Variants in CALHM6 observed in about 807,000 individuals in gnomAD.
The protein encoded by CALHM6 is calcium homeostasis modulator family member 6.
CALHM6 carries 15 observed loss-of-function variants against 12.7 expected under a neutral mutation model. The observed-to-expected ratio is 1.18, with a 90% CI of 0.79 to 1.82. The LOEUF is 1.82. CALHM6 is among the 40% of genes most tolerant of loss of function. CALHM6 has a pLI of 0.00. For missense variants in CALHM6, 434 were observed against 421.0 expected (o/e 1.03, Z -0.27); for synonymous variants, 212 against 193.7 (o/e 1.09, Z -0.78).
rs548401701 is a variant in CALHM6 at position 116,462,084 on chromosome 6, G to A, written c.155G>A (p.Gly52Asp). ...AGCGCCGCCTGGAACCTGCCCTACG[G>A]CCTGGTCTTCTTGCTGGTGCCGGCG... The part of the protein sequence containing the change: ...PCSAAWNLPY[G>D]LVFLLVPALA... The change falls in exon 2 of 3, where the codon GGC becomes GAC. Residue 52 changes from glycine to aspartate, a missense_variant. Physicochemically the swap from Gly to Asp is moderately conservative, Grantham distance 94. Coordinates refer to ENST00000368605, the MANE Select transcript of CALHM6 (RefSeq NM_001010919.3). The A allele has an allele frequency of 1.9e-6, 3 of 1,546,344 alleles. No homozygotes were observed. The highest frequency in any genetic ancestry group is 2.6e-6 in the Non-Finnish European group (3 of 1,146,116).
In CALHM6 at chr6:116,461,912, C is replaced by T. The variant is rs1784776885; in HGVS notation, c.-18C>T. Reference sequence around the variant, plus strand: ...GAAGGATCTGGGCCTGTGCGCGACGCCCCGGGGGACGAGGCTCATGGAGAA... The same window carrying T: ...GAAGGATCTGGGCCTGTGCGCGACGTCCCGGGGGACGAGGCTCATGGAGAA... On this transcript the variant is annotated 5_prime_UTR_variant, in exon 2 of 3. Transcript: ENST00000368605. The T allele has an allele frequency of 6.7e-7, 1 of 1,484,324 alleles. No homozygotes were observed. Among genetic ancestry groups the T allele is most frequent in the Non-Finnish European group, 9.0e-7 (1 of 1,110,110 alleles). The allele number at this position is 1,484,324 out of a possible 1,614,324, so 91.9% of individuals were successfully genotyped here.
intron 2 of CALHM6, 93 bp downstream of exon 2, chr6:116,462,547 C>A: frequency 1.2e-6 from 1 of 840,694 alleles, no homozygotes; most frequent in South Asian, 2.0e-5. Flanking sequence ...TGACTTTTCT[C>A]CAGATATACA....
chr6:116,463,251 A>G, intron 2 of CALHM6, 32 bp from the exon 3 acceptor site: 1 of 1,552,508 alleles, frequency 6.4e-7, no homozygotes, highest in East Asian at 2.3e-5. Flanking sequence ...AAACCAAGTA[A>G]CTAAATTACT....
Position 116,463,489 on chromosome 6 carries a change from G to C in CALHM6, c.732G>C (p.Ser244=). Reference sequence around the variant, plus strand: ...ATATTAAATGTTTCTTTGAGGGCTCGCATCCAAAAGAATATAACACTCCAA... The same window carrying C: ...ATATTAAATGTTTCTTTGAGGGCTCCCATCCAAAAGAATATAACACTCCAA... ...KENIKCFFEG[S]HPKEYNTPSM... is the part of the protein sequence containing the mutation. Residue 244 remains serine (S), a synonymous_variant, in exon 3 of 3, where the codon TCG becomes TCC. Coordinates refer to ENST00000368605, the MANE Select transcript of CALHM6 (RefSeq NM_001010919.3). The C allele has an allele frequency of 6.2e-7, 1 of 1,614,126 alleles. No homozygotes were observed. Among genetic ancestry groups the C allele is most frequent in the Non-Finnish European group, 8.5e-7 (1 of 1,180,020 alleles).
chr6:116,462,148 C>A lies in CALHM6; in HGVS notation c.219C>A (p.Arg73=). ...TCCTGGGCTACGTGCTGAGCGCACG[C>A]ACGTGGCGCCTGCTCACCGGATGCT... ...LFLLGYVLSA[R]TWRLLTGCCS... is the part of the protein sequence containing the mutation. Residue 73 remains arginine, a synonymous_variant, in exon 2 of 3, where the codon CGC becomes CGA. Coordinates refer to ENST00000368605, the MANE Select transcript of CALHM6 (RefSeq NM_001010919.3). 6.5e-7 allele frequency: 1 copy of A among 1,530,564 alleles called. No individual in the cohort carries two copies. Among genetic ancestry groups the A allele is most frequent in the Non-Finnish European group, 8.8e-7 (1 of 1,141,612 alleles). 94.8% of individuals were successfully genotyped at this position (1,530,564 alleles called of 1,614,324 possible). A position where few individuals can be genotyped will look rare whatever the true frequency, so the allele number is the denominator to read the frequency against.
At position 116,462,450 on chromosome 6, in the gene CALHM6, C is replaced by A; in HGVS notation, c.521C>A (p.Ser174Ter). The A allele has an allele frequency of 6.7e-7, 1 of 1,495,242 alleles. No homozygotes were observed. 92.6% of individuals were successfully genotyped at this position (1,495,242 alleles called of 1,614,324 possible). A position where few individuals can be genotyped will look rare whatever the true frequency, so the allele number is the denominator to read the frequency against. ...CTCCTGAAGGATCTGAAGGCTCAGT[C>A]GCAGGTCTGCCGCTGGCGCTGGGGG... ...QDLLKDLKAQ[S>*]QVLGWILIAV... The change falls in exon 2 of 3, where the codon TCG becomes TAG. Residue 174 changes from serine to a stop codon, truncating the protein, a stop_gained. Coordinates refer to ENST00000368605, the MANE Select transcript of CALHM6 (RefSeq NM_001010919.3). LOFTEE classifies it low-confidence loss of function (END_TRUNC).
chr6:116,462,004 G>A lies in CALHM6; in HGVS notation c.75G>A (p.Leu25=), dbSNP rs146261542. The A allele has an allele frequency of 1.2e-4, 192 of 1,548,812 alleles. 1 individual carries two copies. Among genetic ancestry groups the A allele is most frequent in the Admixed American group, 6.1e-4 (31 of 50,888 alleles). The change falls in exon 2 of 3, where the codon CTG becomes CTA. Residue 25 remains leucine (L), a synonymous_variant. Transcript: ENST00000368605. ...HSALGYGLVT[L]LTAGGERIFS... ...CCTTGGGCTACGGCCTGGTGACCCT[G>A]CTGACGGCGGGCGGGGAGCGCATCT... is the stretch of plus-strand genomic sequence containing the variant.
rs1029491856 is a variant in CALHM6, at chr6:116,462,235, C to A, written c.306C>A (p.Ile102=). 18 of 1,379,156 alleles carry A rather than the reference C, an allele frequency of 1.3e-5. No homozygotes were observed. The African/African-American group carries it at 2.7e-4, about 21-fold the overall frequency. The allele number at this position is 1,379,156 out of a possible 1,614,324, so 85.4% of individuals were successfully genotyped here. A position where few individuals can be genotyped will look rare whatever the true frequency, so the allele number is the denominator to read the frequency against. ...GCGGCTCCCTGGTGTGCACGCAAAT[C>A]AGCGCGGCCGCCGCGCTCGCGCCCC... The part of the protein sequence containing the change: ...ALRGSLVCTQ[I]SAAAALAPLT... Residue 102 remains isoleucine, a synonymous_variant, in exon 2 of 3, where the codon ATC becomes ATA. Coordinates refer to ENST00000368605, the MANE Select transcript of CALHM6 (RefSeq NM_001010919.3).
rs1433394501 is a variant in CALHM6, at chr6:116,462,351, G to C, written c.422G>C (p.Gly141Ala). ...GCCTTCGCGCAGCGCCTGTGCCTCG[G>C]CCGCAACCGCAGCTGCGCCGCGGAG... ...SAAFAQRLCL[G>A]RNRSCAAELP... The change falls in exon 2 of 3, where the codon GGC becomes GCC. Residue 141 changes from glycine to alanine, a missense_variant. Gly to Ala is a moderately conservative substitution (Grantham distance 60, BLOSUM62 0). Transcript: ENST00000368605. 1.4e-6 allele frequency: 2 copies of C among 1,452,784 alleles called. No homozygotes were observed. The highest frequency in any genetic ancestry group is 9.0e-7 in the Non-Finnish European group (1 of 1,107,940). The allele number at this position is 1,452,784 out of a possible 1,614,324, so 90.0% of individuals were successfully genotyped here.
chr6:116,463,690 C>A lies in CALHM6; in HGVS notation c.933C>A (p.Ser311Arg), dbSNP rs1367818403. Residue 311 changes from serine to arginine, a missense_variant, in exon 3 of 3, where the codon AGC (serine) becomes AGA (arginine). By Grantham distance (110) the Ser-to-Arg change is moderately radical. Transcript: ENST00000368605. ...LGFVDSSGIN[S>R]TPEL is the part of the protein sequence containing the mutation. Reference sequence around the variant, plus strand: ...TTGTAGATTCATCTGGTATAAACAGCACTCCTGAGTTATGACCTTTTGAAT... The same window carrying A: ...TTGTAGATTCATCTGGTATAAACAGAACTCCTGAGTTATGACCTTTTGAAT... The A allele has an allele frequency of 3.1e-6, 5 of 1,596,672 alleles. No individual in the cohort carries two copies. The African/African-American group carries it at 5.4e-5, about 17-fold the overall frequency.
At position 116,461,907 on chromosome 6, in the gene CALHM6, C is replaced by A. The variant is rs1419599866; in HGVS notation, c.-23C>A. 2.0e-6 allele frequency: 3 copies of A among 1,479,216 alleles called. No homozygotes were observed. Among genetic ancestry groups the A allele is most frequent in the Non-Finnish European group, 2.7e-6 (3 of 1,107,794 alleles). 91.6% of individuals were successfully genotyped at this position (1,479,216 alleles called of 1,614,324 possible). The stretch of plus-strand genomic sequence containing the variant: ...AGGCAGAAGGATCTGGGCCTGTGCG[C>A]GACGCCCCGGGGGACGAGGCTCATG... On this transcript the variant is annotated 5_prime_UTR_variant, in exon 2 of 3. Coordinates refer to ENST00000368605, the MANE Select transcript of CALHM6 (RefSeq NM_001010919.3).
Position 116,463,413 on chromosome 6 carries a change from A to G in CALHM6, c.656A>G (p.Gln219Arg). The G allele has an allele frequency of 2.5e-6, 4 of 1,614,202 alleles. No individual in the cohort carries two copies. The South Asian group carries it at 4.4e-5, about 18-fold the overall frequency. The change falls in exon 3 of 3, where the codon CAG becomes CGG. Residue 219 changes from glutamine (Q) to arginine (R), a missense_variant. By Grantham distance (43) the Gln-to-Arg change is conservative. Transcript: ENST00000368605. The part of the protein sequence containing the change: ...FWKIYLEQEQ[Q>R]ILKSKATEHA... The stretch of plus-strand genomic sequence containing the variant: ...AAAATCTATTTGGAACAGGAGCAGC[A>G]GATCCTTAAAAGTAAAGCCACAGAG...
chr6:116,461,841 C>T (rs1278545052), intron 1 of CALHM6, 31 bp from the exon 2 acceptor site: 1 of 1,355,256 alleles, frequency 7.4e-7, no homozygotes, highest in East Asian at 2.8e-5. Flanking sequence ...AAGCCCCGGT[C>T]CCCATCCCAC....
At chr6:116,461,833 G>C in intron 1 of CALHM6, 39 bp from the exon 2 acceptor site, 16 of 1,166,442 alleles carry the variant, frequency 1.4e-5, no homozygotes, top group South Asian at 2.0e-5. Flanking sequence ...AGAGTGGAAA[G>C]CCCCGGTCCC....
chr6:116,462,759 A>G (rs1410170732), intron 2 of CALHM6, among the ~76,000 whole-genome samples: 2 of 152,156 alleles, frequency 1.3e-5, no homozygotes, highest in African/African-American at 4.8e-5. Flanking sequence ...CATTATTTTT[A>G]CGTCTCACAA....
intron 2 of CALHM6, among the ~76,000 whole-genome samples, chr6:116,462,853 T>C (rs1784809694): frequency 6.6e-6 from 1 of 152,202 alleles, no homozygotes; most frequent in African/African-American, 2.4e-5. Flanking sequence ...TCACTGAGTC[T>C]AAGTAAAGTT....
chr6:116,462,487 A>C, intron 2 of CALHM6, 33 bp downstream of exon 2: 1 of 1,450,394 alleles, frequency 6.9e-7, no homozygotes, highest in Non-Finnish European at 9.2e-7. Flanking sequence ...GTTTGGGAGG[A>C]GCCGAGAGGC....
rs11299983 is a variant in CALHM6, at chr6:116,463,721, G to GA, written c.*25dup. 465 of 1,447,818 alleles carry GA rather than the reference G, an allele frequency of 3.2e-4. No homozygotes were observed. The highest frequency in any genetic ancestry group is 8.4e-4 in the South Asian group (54 of 64,444). The allele number at this position is 1,447,818 out of a possible 1,614,324, so 89.7% of individuals were successfully genotyped here. Reference sequence around the variant, plus strand: ...TGAGTTATGACCTTTTGAATGAGTAGAAAAAAAAATTGTTTTGAATTATTG... The same window carrying GA: ...TGAGTTATGACCTTTTGAATGAGTAGAAAAAAAAAATTGTTTTGAATTATTG... On this transcript the variant is annotated 3_prime_UTR_variant, in exon 3 of 3. Coordinates refer to ENST00000368605, the MANE Select transcript of CALHM6 (RefSeq NM_001010919.3).
At position 116,462,332 on chromosome 6, in the gene CALHM6, G is replaced by C; in HGVS notation, c.403G>C (p.Ala135Pro). The C allele has an allele frequency of 6.9e-7, 1 of 1,441,258 alleles. No individual in the cohort carries two copies. Among genetic ancestry groups the C allele is most frequent in the Non-Finnish European group, 9.1e-7 (1 of 1,102,196 alleles). The allele number at this position is 1,441,258 out of a possible 1,614,324, so 89.3% of individuals were successfully genotyped here. Reference protein sequence around the residue: ...ECAATGSAAFAQRLCLGRNRS... With the variant: ...ECAATGSAAFPQRLCLGRNRS... ...CGCGGCCACCGGGAGCGCGGCCTTC[G>C]CGCAGCGCCTGTGCCTCGGCCGCAA... The change falls in exon 2 of 3, where the codon GCG becomes CCG. Residue 135 changes from alanine (A) to proline (P), a missense_variant. Physicochemically the swap from Ala to Pro is conservative, Grantham distance 27. Coordinates refer to ENST00000368605, the MANE Select transcript of CALHM6 (RefSeq NM_001010919.3).
Sources: allele counts gnomAD v4.1 joint callset (sites outside exome capture counted in the v4.1 genomes callset), GRCh38; gene constraint gnomAD v4.1.1; transcripts MANE v1.5; gene names NCBI Gene and HGNC (gene_info 2026-07-23, HGNC 2026-07-21).